The following SAMD12 variants were observed in gnomAD, a reference collection of about 807,000 sequenced individuals.
SAMD12 encodes sterile alpha motif domain-containing protein 12.
Under a neutral mutation model 15.0 loss-of-function variants are expected in SAMD12, and 9 were observed. That is an observed-to-expected ratio of 0.60 (90% confidence interval 0.36 to 1.05). The LOEUF is 1.05. Ranked by LOEUF, SAMD12 falls within the 50% of genes least tolerant of loss-of-function variation. SAMD12 has a pLI of 0.01. For missense variants in SAMD12, 230 were observed against 234.2 expected (o/e 0.98, Z 0.12); for synonymous variants, 86 against 90.1 (o/e 0.96, Z 0.25).
chr8:118,540,713 C>G (rs1421770506), intron 2 of SAMD12, among the ~76,000 whole-genome samples: 3 of 150,588 alleles, frequency 2.0e-5, no homozygotes, highest in African/African-American at 7.3e-5. Context: ...AAAAAAAATG[C>G]CACATATGTT....
intron 4 of SAMD12, among the ~76,000 whole-genome samples, chr8:118,295,495 C>T (rs1814656126): frequency 6.6e-6 from 1 of 152,112 alleles, no homozygotes; most frequent in Admixed American, 6.6e-5. Flanking sequence ...TGTAATTCTA[C>T]ATATGAAAGT....
chr8:118,526,678 C>T (rs1407548476), intron 2 of SAMD12, among the ~76,000 whole-genome samples: 1 of 152,076 alleles, frequency 6.6e-6, no homozygotes, highest in African/African-American at 2.4e-5. Context: ...GGTGAGGGCA[C>T]AGTTAACAGA....
chr8:118,320,021 A>G (rs1053372067), intron 4 of SAMD12, among the ~76,000 whole-genome samples: 1 of 152,232 alleles, frequency 6.6e-6, no homozygotes, highest in Non-Finnish European at 1.5e-5. Context: ...TAAAAGAGAG[A>G]TTAGTGGAGG....
intron 2 of SAMD12, among the ~76,000 whole-genome samples, chr8:118,481,090 G>A (rs1055972154): frequency 6.6e-6 from 1 of 152,054 alleles, no homozygotes; most frequent in African/African-American, 2.4e-5. Flanking sequence ...TTACAGGTGT[G>A]TGCCACCAAG....
chr8:118,324,631 C>G (rs1816474715), intron 4 of SAMD12, among the ~76,000 whole-genome samples: 1 of 151,890 alleles, frequency 6.6e-6, no homozygotes, highest in South Asian at 2.1e-4. Flanking sequence ...AGGGGTAAGC[C>G]CAGAGAAGGC....
chr8:118,553,119 C>T (rs1019763512), intron 2 of SAMD12, among the ~76,000 whole-genome samples: 22 of 151,346 alleles, frequency 1.5e-4, no homozygotes, highest in South Asian at 4.2e-4. Context: ...AGGTAATTTA[C>T]AGATTCAATG....
intron 1 of SAMD12, among the ~76,000 whole-genome samples, chr8:118,596,606 A>C (rs190371042): frequency 3.7e-4 from 56 of 152,214 alleles, no homozygotes; most frequent in Admixed American, 2.5e-3. Flanking sequence ...CAACTCAACT[A>C]CTTTAGGCAT....
intron 2 of SAMD12, among the ~76,000 whole-genome samples, chr8:118,551,514 C>A (rs56006234): frequency 0.12 from 17,500 of 151,820 alleles, 1,454 homozygotes; most frequent in African/African-American, 0.23. Flanking sequence ...ATCTCTGGGA[C>A]ACATTCAAAG....
At chr8:118,417,903 G>A (rs1821784938) in intron 3 of SAMD12, among the ~76,000 whole-genome samples, 1 of 152,138 alleles carries the variant, frequency 6.6e-6, no homozygotes, top group Non-Finnish European at 1.5e-5. Flanking sequence ...ACATACTTGA[G>A]AGGTTGGTTT....
Position 118,566,222 on chromosome 8 carries a change from T to C in SAMD12, c.192+14493A>G, listed in dbSNP as rs12542015. ...CTAAGTAGGCTATATCCTTTCCTAC[T>C]TCAGGGTTATTTATAAAGGCAGATC... On this transcript the variant is annotated intron_variant, in intron 2 of 3. Transcript: ENST00000314727. Among the ~76,000 whole-genome samples the C allele has an allele frequency of 8.7e-3, 1,332 of 152,300 alleles. 57 individuals carry two copies. Among genetic ancestry groups the C allele is most frequent in the Admixed American group, 0.074 (1,129 of 15,272 alleles).
At chr8:118,595,770 A>G (rs1028482494) in intron 1 of SAMD12, among the ~76,000 whole-genome samples, 16 of 152,334 alleles carry the variant, frequency 1.1e-4, no homozygotes, top group African/African-American at 3.8e-4. Flanking sequence ...CCATTTGACT[A>G]TTAATTATTT....
chr8:118,545,799 T>C (rs562636835), intron 2 of SAMD12, among the ~76,000 whole-genome samples: 7 of 152,288 alleles, frequency 4.6e-5, no homozygotes, highest in African/African-American at 1.7e-4. Flanking sequence ...ACAGATGAAA[T>C]ATAGTTAACA....
chr8:118,422,997 A>T (rs1188504895), intron 3 of SAMD12, among the ~76,000 whole-genome samples: 2 of 152,140 alleles, frequency 1.3e-5, no homozygotes, highest in Non-Finnish European at 2.9e-5. Context: ...AACACGGTGA[A>T]AACCTGCCTC....
chr8:118,555,941 C>A (rs1826517062), intron 2 of SAMD12, among the ~76,000 whole-genome samples: 1 of 152,204 alleles, frequency 6.6e-6, no homozygotes, highest in African/African-American at 2.4e-5. Flanking sequence ...GGCACAATTA[C>A]CAGTCCTTGG....
chr8:118,325,558 C>G (rs1003070670), intron 4 of SAMD12, among the ~76,000 whole-genome samples: 1 of 152,172 alleles, frequency 6.6e-6, no homozygotes, highest in African/African-American at 2.4e-5. Context: ...TATCAACTCA[C>G]ACAGTTATCT....
Position 118,377,994 on chromosome 8 carries a change from A to G in SAMD12, c.*1423T>C, listed in dbSNP as rs565413338. 2 of 152,306 alleles carry G rather than the reference A, an allele frequency of 1.3e-5. No homozygotes were observed. The highest frequency in any genetic ancestry group is 3.9e-4 in the East Asian group (2 of 5,190). The allele number at this position is 152,306 out of a possible 1,614,324, so 9.4% of individuals were successfully genotyped here. A position where few individuals can be genotyped will look rare whatever the true frequency, so the allele number is the denominator to read the frequency against. On this transcript the variant is annotated 3_prime_UTR_variant, in exon 4 of 4. Coordinates refer to ENST00000314727, the MANE Select transcript of SAMD12 (RefSeq NM_207506.3). ...ATTTAAGTCACCCACTTATCCCACA[A>G]TCCAGAGAGATCCTTTATTAAAATG...
chr8:118,273,830 T>C (rs1192859454), intron 4 of SAMD12, among the ~76,000 whole-genome samples: 1 of 152,100 alleles, frequency 6.6e-6, no homozygotes, highest in African/African-American at 2.4e-5. Flanking sequence ...AATAGCATCA[T>C]GGAAACAAGT....
chr8:118,411,356 C>T (rs1348441626), intron 3 of SAMD12, among the ~76,000 whole-genome samples: 2 of 152,134 alleles, frequency 1.3e-5, no homozygotes, highest in African/African-American at 4.8e-5. Context: ...TAATTAAGGG[C>T]AAGAAGATCA....
At chr8:118,413,022 A>G (rs1327679293) in intron 3 of SAMD12, among the ~76,000 whole-genome samples, 1 of 152,046 alleles carries the variant, frequency 6.6e-6, no homozygotes, top group Non-Finnish European at 1.5e-5. Flanking sequence ...TTGCTATGAG[A>G]AGGTATACCT....
Sources: allele counts gnomAD v4.1 joint callset (sites outside exome capture counted in the v4.1 genomes callset), GRCh38; gene constraint gnomAD v4.1.1; transcripts MANE v1.5; gene names NCBI Gene and HGNC (gene_info 2026-07-23, HGNC 2026-07-21).